NGF: variants seen among roughly 807,000 people sequenced by gnomAD.
The protein encoded by NGF is nerve growth factor.
NGF carries 4 observed loss-of-function variants against 12.8 expected under a neutral mutation model. That is an observed-to-expected ratio of 0.31 (90% CI 0.15 to 0.72). The LOEUF is 0.72. Among genes scored for constraint, NGF ranks in the 30% least tolerant of loss-of-function variants. The pLI, the probability that NGF is intolerant of heterozygous loss-of-function variation, is 0.69. For synonymous variants in NGF, 140 were observed against 130.0 expected (o/e 1.08, Z -0.52); for missense variants, 283 against 330.8 (o/e 0.86, Z 1.12).
chr1:115,306,108 C>T (rs1444899943), intron 1 of NGF, among the ~76,000 whole-genome samples: 1 of 152,086 alleles, frequency 6.6e-6, no homozygotes, highest in Non-Finnish European at 1.5e-5. Context: ...AGAAACTTAC[C>T]CTAATGATTT....
chr1:115,333,390 A>G (rs1446964844), intron 1 of NGF, among the ~76,000 whole-genome samples: 2 of 152,028 alleles, frequency 1.3e-5, no homozygotes, highest in Non-Finnish European at 2.9e-5. Flanking sequence ...CTCCACCTGC[A>G]GAAGCCACCA....
intron 1 of NGF, among the ~76,000 whole-genome samples, chr1:115,319,905 C>T (rs931481114): frequency 1.3e-5 from 2 of 152,068 alleles, no homozygotes; most frequent in East Asian, 1.9e-4. Context: ...ACTGGGCAGG[C>T]GTGGGTGGTT....
chr1:115,321,033 C>T (rs1165498712), intron 1 of NGF, among the ~76,000 whole-genome samples: 5 of 152,174 alleles, frequency 3.3e-5, no homozygotes, highest in Non-Finnish European at 7.3e-5. Flanking sequence ...CTCTCCTTCT[C>T]CTGCCCACTT....
chr1:115,302,691 T>C (rs986968904), intron 1 of NGF, among the ~76,000 whole-genome samples: 1 of 152,218 alleles, frequency 6.6e-6, no homozygotes, highest in Admixed American at 6.5e-5. Flanking sequence ...CTTTCTGCCT[T>C]GTCTGGTCTA....
chr1:115,315,390 T>C (rs1654449438), intron 1 of NGF, among the ~76,000 whole-genome samples: 2 of 151,910 alleles, frequency 1.3e-5, no homozygotes, highest in South Asian at 2.1e-4. Flanking sequence ...GAGAAGACAA[T>C]GGAAGTGGGA....
rs200629339 is a variant in NGF, at chr1:115,286,539, C to T, written c.257G>A (p.Arg86His). The change falls in exon 3 of 3, where the codon CGT becomes CAT. Residue 86 changes from arginine to histidine, a missense_variant. Around this residue, in one of 2 missense-constraint regions of NGF, gnomAD observed 151 missense variants for 141.6 expected, o/e 1.07. Coordinates refer to ENST00000369512, the MANE Select transcript of NGF (RefSeq NM_002506.3). ...GGGAGGCTGGGTGCTAAACAGCACACGGGGTGAACGGAGTCGCCGCTTTTT... is the reference window on the plus strand; with the variant it reads ...GGGAGGCTGGGTGCTAAACAGCACATGGGGTGAACGGAGTCGCCGCTTTTT... ...LFKKRRLRSP[R>H]VLFSTQPPRE... 70 of 1,614,048 alleles carry T rather than the reference C, an allele frequency of 4.3e-5. No individual in the cohort carries two copies. The highest frequency in any genetic ancestry group is 1.0e-4 in the Admixed American group (6 of 60,012).
intron 1 of NGF, among the ~76,000 whole-genome samples, chr1:115,307,890 C>T (rs938280138): frequency 3.3e-5 from 5 of 152,164 alleles, no homozygotes; most frequent in African/African-American, 1.2e-4. Context: ...CAGACTGTCT[C>T]TTAAAATAAA....
At chr1:115,288,236 T>C (rs150859919) in intron 2 of NGF, among the ~76,000 whole-genome samples, 1 of 152,320 alleles carries the variant, frequency 6.6e-6, no homozygotes, top group African/African-American at 2.4e-5. Flanking sequence ...TGTTCTCTCC[T>C]ACTAAATCAG....
chr1:115,326,844 A>G (rs1654791698), intron 1 of NGF, among the ~76,000 whole-genome samples: 1 of 152,148 alleles, frequency 6.6e-6, no homozygotes. Flanking sequence ...TGTGTCTACA[A>G]CCAAGATGTT....
chr1:115,323,786 T>C (rs1407284064), intron 1 of NGF, among the ~76,000 whole-genome samples: 2 of 152,194 alleles, frequency 1.3e-5, no homozygotes, highest in Admixed American at 6.5e-5. Context: ...TAATCACATG[T>C]AGTCATCTCC....
intron 1 of NGF, among the ~76,000 whole-genome samples, chr1:115,314,531 C>G (rs1654420725): frequency 6.6e-6 from 1 of 152,174 alleles, no homozygotes; most frequent in Non-Finnish European, 1.5e-5. Context: ...GGTAATTGCT[C>G]AACTTAATTC....
chr1:115,310,282 C>T (rs1654304321), intron 1 of NGF, among the ~76,000 whole-genome samples: 1 of 152,216 alleles, frequency 6.6e-6, no homozygotes, highest in Admixed American at 6.5e-5. Flanking sequence ...GATCTCCTTC[C>T]TCTCTTTCCC....
chr1:115,331,105 C>T (rs891076519), intron 1 of NGF, among the ~76,000 whole-genome samples: 2 of 150,586 alleles, frequency 1.3e-5, no homozygotes, highest in South Asian at 2.1e-4. Context: ...GGGTCCACAT[C>T]GGGAAGGGGC....
chr1:115,326,615 C>T (rs1206490518), intron 1 of NGF, among the ~76,000 whole-genome samples: 1 of 152,156 alleles, frequency 6.6e-6, no homozygotes, highest in African/African-American at 2.4e-5. Flanking sequence ...ATGCCTGGCA[C>T]AGACCTCCAT....
At chr1:115,321,416 T>A (rs1381063095) in intron 1 of NGF, among the ~76,000 whole-genome samples, 1 of 152,216 alleles carries the variant, frequency 6.6e-6, no homozygotes, top group African/African-American at 2.4e-5. Context: ...GTTTTTTTCC[T>A]TCTTTTTTTG....
chr1:115,327,782 C>A (rs1170057032), intron 1 of NGF, among the ~76,000 whole-genome samples: 1 of 152,198 alleles, frequency 6.6e-6, no homozygotes, highest in African/African-American at 2.4e-5. Context: ...TCCACTCCAG[C>A]TCCCTGGTGC....
intron 1 of NGF, among the ~76,000 whole-genome samples, chr1:115,320,891 G>A (rs906799913): frequency 2.6e-5 from 4 of 152,226 alleles, no homozygotes; most frequent in Non-Finnish European, 5.9e-5. Context: ...TTAGAAGTGT[G>A]GCCTCACTGG....
intron 1 of NGF, among the ~76,000 whole-genome samples, chr1:115,306,435 G>A (rs1654207045): frequency 6.6e-6 from 1 of 152,166 alleles, no homozygotes; most frequent in Non-Finnish European, 1.5e-5. Flanking sequence ...AAAAAGAAGA[G>A]GTTGAGTTAC....
chr1:115,331,201 C>G (rs1287777134), intron 1 of NGF, among the ~76,000 whole-genome samples: 1 of 152,126 alleles, frequency 6.6e-6, no homozygotes, highest in Admixed American at 6.5e-5. Flanking sequence ...CAATTGCCCT[C>G]AAAAATCAGT....
Sources: gnomAD v4.1 joint callset for allele counts (sites outside exome capture counted in the v4.1 genomes callset) on GRCh38, gnomAD v4.1.1 for gene constraint, gnomAD v4.1.1 regional missense constraint, MANE v1.5 for transcripts, NCBI Gene and HGNC (gene_info 2026-07-23, HGNC 2026-07-21) for gene names.